The following EPHA6 variants were observed in gnomAD, a reference collection of about 807,000 sequenced individuals.
The protein encoded by EPHA6 is EPH receptor A6, also known as ephrin type-A receptor 6.
EPHA6 carries 50 observed loss-of-function variants against 112.0 expected under a neutral mutation model. The ratio of observed to expected loss-of-function variants is 0.45; its 90% confidence interval spans 0.36 to 0.56. The LOEUF (loss-of-function observed/expected upper bound fraction) is 0.56, where lower values mean the gene tolerates loss of function less well. EPHA6 is among the 20% of genes least tolerant of loss of function. The pLI is 0.00. For missense variants in EPHA6, 1,280 were observed against 1,417.4 expected, an observed-to-expected ratio of 0.90 and a Z score of 1.56; for synonymous variants, 529 against 490.7, an observed-to-expected ratio of 1.08 and a Z score of -1.03.
chr3:96,872,430 C>A (rs1032029281), intron 2 of EPHA6, among the ~76,000 whole-genome samples: 8 of 152,072 alleles, frequency 5.3e-5, no homozygotes, highest in Admixed American at 3.9e-4. Flanking sequence ...CTCTTCCTTG[C>A]TTTATGTAGA....
intron 16 of EPHA6, among the ~76,000 whole-genome samples, chr3:97,744,076 T>C (rs2035615273): frequency 2.0e-5 from 3 of 151,984 alleles, no homozygotes; most frequent in African/African-American, 7.2e-5. Flanking sequence ...AACTGTAACA[T>C]TACCTGTAAT....
chr3:97,293,197 G>A (rs776002566), intron 5 of EPHA6, among the ~76,000 whole-genome samples: 9 of 151,872 alleles, frequency 5.9e-5, no homozygotes, highest in East Asian at 2.0e-4. Flanking sequence ...GAGGAGACCC[G>A]TGATAGGTAG....
intron 15 of EPHA6, among the ~76,000 whole-genome samples, chr3:97,731,232 C>T (rs893954324): frequency 3.2e-4 from 48 of 152,104 alleles, no homozygotes; most frequent in Non-Finnish European, 1.3e-4. Context: ...ACTCCCTGAC[C>T]GCTAACTTGA....
intron 3 of EPHA6, among the ~76,000 whole-genome samples, chr3:97,210,156 C>T (rs1393558098): frequency 3.3e-5 from 5 of 151,938 alleles, no homozygotes; most frequent in African/African-American, 9.7e-5. Context: ...TATATTAGTT[C>T]GTTCTTACAC....
rs202131793 is a variant in EPHA6 at position 96,895,255 on chromosome 3, C to T, written c.450+28366C>T. On this transcript the variant is annotated intron_variant, in intron 2 of 17. Coordinates refer to ENST00000389672, the MANE Select transcript of EPHA6 (RefSeq NM_001080448.3). ...ACTTAAGCTAATCTTGTTTTTTTTT[C>T]TTAGTTTTTCACAAAAAATTAAAAA... Among the ~76,000 whole-genome samples the T allele has an allele frequency of 3.9e-4, 58 of 150,282 alleles. No individual in the cohort carries two copies. In the East Asian group the frequency reaches 0.01, roughly 26 times the overall value.
At chr3:96,978,171 A>G (rs1019035963) in intron 2 of EPHA6, among the ~76,000 whole-genome samples, 84 of 152,164 alleles carry the variant, frequency 5.5e-4, no homozygotes, top group Non-Finnish European at 1.9e-4. Context: ...GAAAAAGAAA[A>G]GAAAATCATA....
At chr3:97,572,793 A>G (rs1020127954) in intron 11 of EPHA6, 4 of 152,166 alleles carry the variant, frequency 2.6e-5, no homozygotes, top group African/African-American at 9.7e-5. Flanking sequence ...TACCTTTCTT[A>G]TATGTAGTTT....
intron 15 of EPHA6, among the ~76,000 whole-genome samples, chr3:97,727,607 T>C (rs2034833876): frequency 6.6e-6 from 1 of 152,074 alleles, no homozygotes; most frequent in Admixed American, 6.6e-5. Context: ...TGTGTAATGA[T>C]CTGTGTAAGA....
Position 97,621,231 on chromosome 3 carries a change from CAT to C in EPHA6, c.2574+10379_2574+10380del, listed in dbSNP as rs1283312533. ...AAATGATGAGAACACATGGACAACACATAGAAGGGAACAACACACACTGGGGC... is the reference window on the plus strand; with the variant it reads ...AAATGATGAGAACACATGGACAACACAGAAGGGAACAACACACACTGGGGC... On this transcript the variant is annotated intron_variant, in intron 13 of 17. Coordinates refer to ENST00000389672, the MANE Select transcript of EPHA6 (RefSeq NM_001080448.3). 4.6e-5 allele frequency among the ~76,000 whole-genome samples: 7 copies of C among 151,872 alleles called. No homozygotes were observed. In the East Asian group the frequency reaches 7.8e-4, roughly 17 times the overall value.
intron 11 of EPHA6, among the ~76,000 whole-genome samples, chr3:97,565,920 G>A (rs1198056625): frequency 6.6e-6 from 1 of 151,746 alleles, no homozygotes; most frequent in Non-Finnish European, 1.5e-5. Context: ...GGGAGGCTGA[G>A]GCAGGAGAAT....
chr3:97,687,484 G>T (rs1164316293), intron 14 of EPHA6, among the ~76,000 whole-genome samples: 1 of 152,108 alleles, frequency 6.6e-6, no homozygotes, highest in African/African-American at 2.4e-5. Flanking sequence ...ATCGTAACGC[G>T]ATGAAATATA....
chr3:97,357,612 G>T (rs2084154171), intron 5 of EPHA6, among the ~76,000 whole-genome samples: 1 of 152,098 alleles, frequency 6.6e-6, no homozygotes, highest in Non-Finnish European at 1.5e-5. Context: ...ATTTTTAGTT[G>T]ACCCTTGAAC....
In EPHA6 at chr3:97,303,261, CA is replaced by C. The variant is rs558083804; in HGVS notation, c.1606+58979del. ...AAAGCAAACATTATTTAAAATATGA[CA>C]AAAATGTGAAATCTCTCTGGAATAA... On this transcript the variant is annotated intron_variant, in intron 5 of 17. Transcript: ENST00000389672. Among the ~76,000 whole-genome samples, 366 of 151,354 alleles carry C rather than the reference CA, an allele frequency of 2.4e-3. 1 individual carries two copies. Among genetic ancestry groups the C allele is most frequent in the African/African-American group, 8.4e-3 (348 of 41,244 alleles).
intron 3 of EPHA6, among the ~76,000 whole-genome samples, chr3:97,076,451 T>C (rs2046528840): frequency 6.6e-6 from 1 of 152,052 alleles, no homozygotes; most frequent in Non-Finnish European, 1.5e-5. Context: ...AGAAGAAAAG[T>C]TGGAAGCTGA....
chr3:97,082,470 T>G (rs79772014), intron 3 of EPHA6, among the ~76,000 whole-genome samples: 4,245 of 151,948 alleles, frequency 0.028, 213 homozygotes, highest in African/African-American at 0.097. Context: ...ATTTAAAAAA[T>G]TGTTTAGCAT....
chr3:97,518,208 A>G (rs1215125932), intron 10 of EPHA6, among the ~76,000 whole-genome samples: 1 of 152,140 alleles, frequency 6.6e-6, no homozygotes, highest in Non-Finnish European at 1.5e-5. Flanking sequence ...TCCTGCCAAC[A>G]GTGCACAAGG....
Position 96,824,933 on chromosome 3 carries a change from T to G in EPHA6, c.385+9925T>G, listed in dbSNP as rs139579110. Among the ~76,000 whole-genome samples, 371 of 151,936 alleles carry G rather than the reference T, an allele frequency of 2.4e-3. 1 individual carries two copies. Among genetic ancestry groups the G allele is most frequent in the Non-Finnish European group, 3.8e-3 (257 of 67,916 alleles). On this transcript the variant is annotated intron_variant, in intron 1 of 17. Coordinates refer to ENST00000389672, the MANE Select transcript of EPHA6 (RefSeq NM_001080448.3). ...ACAGTGTTATAAAATTGAAGAGGTA[T>G]AGCTGAAATTAAAATACAATATAAG...
At chr3:97,733,705 A>T (rs1304673326) in intron 15 of EPHA6, among the ~76,000 whole-genome samples, 1 of 152,044 alleles carries the variant, frequency 6.6e-6, no homozygotes, top group East Asian at 1.9e-4. Context: ...CATGCACAAG[A>T]CTCAGAGGCA....
Position 97,755,379 on chromosome 3 carries a change from CATT to C in EPHA6, c.*6682_*6684del, listed in dbSNP as rs1358637934. On this transcript the variant is annotated 3_prime_UTR_variant, in exon 18 of 18. Transcript: ENST00000389672. ...AAACTGTTCTTACTTGTATTTTCTG[CATT>C]ATTTGTGACCTCTGGCCATTTTTAA... 2.6e-5 allele frequency among the ~76,000 whole-genome samples: 4 copies of C among 152,154 alleles called. No individual in the cohort carries two copies. The highest frequency in any genetic ancestry group is 7.2e-5 in the African/African-American group (3 of 41,458).
Sources: gnomAD v4.1 joint callset for allele counts (sites outside exome capture counted in the v4.1 genomes callset) on GRCh38, gnomAD v4.1.1 for gene constraint, MANE v1.5 for transcripts, NCBI Gene and HGNC (gene_info 2026-07-23, HGNC 2026-07-21) for gene names.